The following KANK1 variants were observed in gnomAD, a reference collection of about 807,000 sequenced individuals.
KANK1 encodes the protein KN motif and ankyrin repeat domain-containing protein 1.
In KANK1, 109 loss-of-function variants were observed where a neutral mutation model predicts 106.2. The ratio of observed to expected loss-of-function variants is 1.03; its 90% CI spans 0.88 to 1.20. The LOEUF is 1.20. Among genes scored for constraint, KANK1 ranks in the 50% most tolerant of loss-of-function variants. The probability of loss-of-function intolerance (pLI) is 0.00; values close to 1 mark genes in which losing one functional copy is unlikely to be tolerated. For synonymous variants in KANK1, 873 were observed against 652.2 expected (o/e 1.34, Z -5.16); for missense variants, 2,399 against 1,710.7 (o/e 1.40, Z -7.10).
At chr9:603,542 C>G (rs540102051) in intron 1 of KANK1, among the ~76,000 whole-genome samples, 1 of 151,942 alleles carries the variant, frequency 6.6e-6, no homozygotes, top group African/African-American at 2.4e-5. Context: ...AATTCTTACT[C>G]TTAACAGTTC....
intron 1 of KANK1, among the ~76,000 whole-genome samples, chr9:603,880 AC>A (rs1828404941): frequency 6.8e-6 from 1 of 147,744 alleles, no homozygotes; most frequent in Admixed American, 6.9e-5. Context: ...AATCACTTGA[AC>A]CCGGGAGGCA....
chr9:731,143 TTGAC>T lies in KANK1; in HGVS notation c.2897-13_2897-10del. The T allele has an allele frequency of 6.6e-7, 1 of 1,508,156 alleles. No homozygotes were observed. Among genetic ancestry groups the T allele is most frequent in the Non-Finnish European group, 9.2e-7 (1 of 1,088,152 alleles). 93.4% of individuals were successfully genotyped at this position (1,508,156 alleles called of 1,614,324 possible). A position where few individuals can be genotyped will look rare whatever the true frequency, so the allele number is the denominator to read the frequency against. ...GGTGTGAGTTTTCATTTTTATTGCC[TTGAC>T]TTTTTCACAGCATGTACAAACAATG... On this transcript the variant is annotated splice_polypyrimidine_tract_variant and intron_variant, in intron 4 of 11. Transcript: ENST00000382297.
intron 2 of KANK1, among the ~76,000 whole-genome samples, chr9:692,215 G>C (rs1270823880): frequency 6.6e-6 from 1 of 152,074 alleles, no homozygotes; most frequent in Non-Finnish European, 1.5e-5. Context: ...CTTTCCTTCT[G>C]TCTCATCTCC....
chr9:670,434 T>C (rs1211782380), intron 1 of KANK1, among the ~76,000 whole-genome samples: 4 of 152,194 alleles, frequency 2.6e-5, no homozygotes, highest in Non-Finnish European at 5.9e-5. Context: ...ACTGCCTCTT[T>C]TTCAGCACTA....
intron 2 of KANK1, among the ~76,000 whole-genome samples, chr9:682,420 AAACACAGTTTCAATAAGCTTT>A (rs1817747440): frequency 1.3e-5 from 2 of 152,248 alleles, no homozygotes; most frequent in Admixed American, 1.3e-4. Context: ...TAACAAACTT[AAACACAGTTTCAATAAGCTTT>A]TATAATTTGG....
intron 1 of KANK1, among the ~76,000 whole-genome samples, chr9:672,322 T>C (rs1314507785): frequency 6.6e-6 from 1 of 152,238 alleles, no homozygotes; most frequent in African/African-American, 2.4e-5. Context: ...TTTTTAAAAG[T>C]CCCTTGAATG....
chr9:682,899 G>A (rs987859060), intron 2 of KANK1, among the ~76,000 whole-genome samples: 5 of 152,178 alleles, frequency 3.3e-5, no homozygotes, highest in African/African-American at 7.2e-5. Context: ...GCTGCAGTGC[G>A]GTGCACCCCA....
intron 7 of KANK1, among the ~76,000 whole-genome samples, chr9:736,371 G>A (rs1457333370): frequency 6.6e-6 from 1 of 152,126 alleles, no homozygotes; most frequent in African/African-American, 2.4e-5. Context: ...CTATGGAAAT[G>A]GAACCTGTAG....
At chr9:714,281 C>T (rs1172197450) in intron 3 of KANK1, among the ~76,000 whole-genome samples, 1 of 151,114 alleles carries the variant, frequency 6.6e-6, no homozygotes, top group Admixed American at 6.6e-5. Flanking sequence ...GTTATGGGAA[C>T]AGCGAGTGGT....
chr9:595,150 A>C (rs1825899422), intron 1 of KANK1, among the ~76,000 whole-genome samples: 1 of 151,786 alleles, frequency 6.6e-6, no homozygotes, highest in South Asian at 2.1e-4. Context: ...ATGGTGGCAC[A>C]TGACTGTAGT....
intron 1 of KANK1, among the ~76,000 whole-genome samples, chr9:600,252 C>T (rs1198764028): frequency 6.6e-6 from 1 of 151,690 alleles, no homozygotes; most frequent in Non-Finnish European, 1.5e-5. Flanking sequence ...GTAATTTTGA[C>T]TATTCTAGGT....
chr9:610,451 C>G (rs1479351963), intron 1 of KANK1, among the ~76,000 whole-genome samples: 1 of 152,084 alleles, frequency 6.6e-6, no homozygotes, highest in Non-Finnish European at 1.5e-5. Flanking sequence ...AAATAAAGTA[C>G]TGGTTTAGAT....
rs57889946 is a variant in KANK1 at position 550,379 on chromosome 9, C to CAT, written c.-84+45626_-84+45627dup. Among the ~76,000 whole-genome samples the CAT allele has an allele frequency of 7.0e-3, 1,067 of 152,290 alleles. 16 individuals are homozygous for CAT. Among genetic ancestry groups the CAT allele is most frequent in the African/African-American group, 0.023 (976 of 41,536 alleles). ...CCACTCCTTTTTCCCTGCATCCGTA[C>CAT]ATGAAGCCTGATTGCAGATCTCGAA... On this transcript the variant is annotated intron_variant, in intron 1 of 11. Transcript: ENST00000382297.
At chr9:713,669 C>G (rs1194164206) in intron 3 of KANK1, among the ~76,000 whole-genome samples, 1 of 152,162 alleles carries the variant, frequency 6.6e-6, no homozygotes, top group Admixed American at 6.5e-5. Flanking sequence ...CCTCACTGGC[C>G]TCTGGCTGAG....
At chr9:553,515 G>C (rs1380991154) in intron 1 of KANK1, among the ~76,000 whole-genome samples, 1 of 152,170 alleles carries the variant, frequency 6.6e-6, no homozygotes, top group East Asian at 1.9e-4. Flanking sequence ...CAGGGTCCTT[G>C]ATCTTCCGCA....
At chr9:625,333 C>A (rs932309906) in intron 1 of KANK1, among the ~76,000 whole-genome samples, 1 of 152,210 alleles carries the variant, frequency 6.6e-6, no homozygotes, top group African/African-American at 2.4e-5. Flanking sequence ...GAATAGGAAA[C>A]ATTTGAATCT....
intron 3 of KANK1, among the ~76,000 whole-genome samples, chr9:480,567 G>C (rs1343981068): frequency 3.3e-5 from 5 of 152,222 alleles, no homozygotes; most frequent in African/African-American, 1.2e-4. Flanking sequence ...GCAGTAAAAA[G>C]TAAGTTACCA....
rs532302043 is a variant in KANK1 at position 517,396 on chromosome 9, C to T, written c.-84+12642C>T. ...GGATCACAGGCGTGAGCCACTGCGGCCCGGCTGCAAGCTGTGTTTTGTCGG... is the reference window on the plus strand; with the variant it reads ...GGATCACAGGCGTGAGCCACTGCGGTCCGGCTGCAAGCTGTGTTTTGTCGG... On this transcript the variant is annotated intron_variant, in intron 1 of 11. Coordinates refer to ENST00000382297, the MANE Select transcript of KANK1 (RefSeq NM_015158.5). 4.7e-4 allele frequency among the ~76,000 whole-genome samples: 72 copies of T among 151,916 alleles called. 2 individuals carry two copies. The South Asian group carries it at 0.013, about 28-fold the overall frequency.
At chr9:722,745 A>G (rs1006982169) in intron 3 of KANK1, among the ~76,000 whole-genome samples, 28 of 152,186 alleles carry the variant, frequency 1.8e-4, no homozygotes, top group African/African-American at 4.8e-4. Context: ...TCTTTTCCTT[A>G]CCAGTTAAGC....
Sources: gnomAD v4.1 joint callset for allele counts (sites outside exome capture counted in the v4.1 genomes callset) on GRCh38, gnomAD v4.1.1 for gene constraint, MANE v1.5 for transcripts, NCBI Gene and HGNC (gene_info 2026-07-23, HGNC 2026-07-21) for gene names.